SH3D19: variants seen among roughly 807,000 people sequenced by gnomAD.
SH3D19 encodes SH3 domain containing 19, also known as SH3 domain-containing protein 19.
Under a neutral mutation model 112.1 loss-of-function variants are expected in SH3D19, and 58 were observed. The ratio of observed to expected loss-of-function variants is 0.52; its 90% CI spans 0.42 to 0.64. SH3D19 has a LOEUF of 0.64. SH3D19 is among the 30% of genes least tolerant of loss of function. The pLI, the probability that SH3D19 is intolerant of heterozygous loss-of-function variation, is 0.00. For synonymous variants in SH3D19, 391 were observed against 448.5 expected, an observed-to-expected ratio of 0.87 and a Z score of 1.62; for missense variants, 1,090 against 1,263.4, an observed-to-expected ratio of 0.86 and a Z score of 2.08.
chr4:151,251,259 T>C (rs182619583), intron 1 of SH3D19, among the ~76,000 whole-genome samples: 95 of 150,392 alleles, frequency 6.3e-4, no homozygotes, highest in Middle Eastern at 3.5e-3. Flanking sequence ...AGTACAATGG[T>C]GTGATCTTGG....
At chr4:151,319,989 T>TCA (rs1730378221) in intron 1 of SH3D19, among the ~76,000 whole-genome samples, 1 of 152,202 alleles carries the variant, frequency 6.6e-6, no homozygotes, top group South Asian at 2.1e-4. Flanking sequence ...GGACTGTGGA[T>TCA]AAGTTGCTTA....
intron 7 of SH3D19, among the ~76,000 whole-genome samples, chr4:151,167,747 G>A (rs1451114906): frequency 6.6e-6 from 1 of 151,940 alleles, no homozygotes; most frequent in Non-Finnish European, 1.5e-5. Flanking sequence ...TCTGGGAAGT[G>A]AGGAGCGCCT....
chr4:151,213,164 T>C (rs1766249889), intron 2 of SH3D19, among the ~76,000 whole-genome samples: 3 of 152,208 alleles, frequency 2.0e-5, no homozygotes, highest in Admixed American at 2.0e-4. Flanking sequence ...GTAAACATTG[T>C]TGAAACGACA....
chr4:151,268,191 T>C (rs1232725324), intron 1 of SH3D19, among the ~76,000 whole-genome samples: 1 of 152,212 alleles, frequency 6.6e-6, no homozygotes, highest in African/African-American at 2.4e-5. Context: ...TACTGAACAC[T>C]GTAGGCAACT....
intron 1 of SH3D19, among the ~76,000 whole-genome samples, chr4:151,313,732 C>T (rs924045852): frequency 1.3e-5 from 2 of 152,176 alleles, no homozygotes; most frequent in African/African-American, 2.4e-5. Flanking sequence ...CTGAGAGTAA[C>T]CAATCTACCT....
chr4:151,215,165 T>C (rs987899624), intron 2 of SH3D19, among the ~76,000 whole-genome samples: 10 of 152,190 alleles, frequency 6.6e-5, no homozygotes, highest in Admixed American at 2.0e-4. Flanking sequence ...CAAGCAATCC[T>C]CCTGCCTTGG....
At chr4:151,176,341 G>T (rs1759960090) in intron 6 of SH3D19, among the ~76,000 whole-genome samples, 193 bp downstream of exon 6, 1 of 152,198 alleles carries the variant, frequency 6.6e-6, no homozygotes. Context: ...GATTGGGGCT[G>T]CAGTTTGTAA....
intron 3 of SH3D19, among the ~76,000 whole-genome samples, chr4:151,186,364 A>G (rs552032925): frequency 6.6e-6 from 1 of 152,378 alleles, no homozygotes; most frequent in East Asian, 1.9e-4. Context: ...AGGCACTTAT[A>G]CAGTTAAAAA....
intron 1 of SH3D19, among the ~76,000 whole-genome samples, chr4:151,243,202 T>C (rs916428363): frequency 2.6e-5 from 4 of 152,146 alleles, no homozygotes; most frequent in East Asian, 1.9e-4. Context: ...TTGGAGCAAA[T>C]AGAGCTGCAA....
rs1752703319 is a variant in SH3D19 at position 151,140,017 on chromosome 4, T to C, written c.2224-170A>G. ...GCCAAACAAGGGAATTATTATCAAGTTGAAGAAGAATGTGTCCTTGCTAAG... is the reference window on the plus strand; with the variant it reads ...GCCAAACAAGGGAATTATTATCAAGCTGAAGAAGAATGTGTCCTTGCTAAG... On this transcript the variant is annotated intron_variant, in intron 12 of 19. Transcript: ENST00000604030. 5.3e-6 allele frequency: 3 copies of C among 563,806 alleles called. No individual in the cohort carries two copies. The Admixed American group carries it at 9.7e-5, about 18-fold the overall frequency. 34.9% of individuals were successfully genotyped at this position (563,806 alleles called of 1,614,324 possible).
chr4:151,145,258 A>G (rs7668154), intron 11 of SH3D19, among the ~76,000 whole-genome samples: 127,914 of 152,212 alleles, frequency 0.84, 54,992 homozygotes, highest in Non-Finnish European at 0.95. Context: ...TTATACGACT[A>G]TGCTAAGAAC....
chr4:151,203,712 C>T (rs1490737495), intron 2 of SH3D19, among the ~76,000 whole-genome samples: 1 of 152,172 alleles, frequency 6.6e-6, no homozygotes, highest in Non-Finnish European at 1.5e-5. Flanking sequence ...AACACCAAGA[C>T]TTTGTACTTG....
chr4:151,285,942 C>A (rs140123162), intron 1 of SH3D19, among the ~76,000 whole-genome samples: 1 of 150,600 alleles, frequency 6.6e-6, no homozygotes, highest in Non-Finnish European at 1.5e-5. Context: ...TACCTGTAAT[C>A]GCAGCACTTT....
At chr4:151,138,571 T>C (rs1450001739) in intron 13 of SH3D19, among the ~76,000 whole-genome samples, 4 of 151,040 alleles carry the variant, frequency 2.6e-5, no homozygotes, top group Admixed American at 2.6e-4. Flanking sequence ...GTGGCACCCC[T>C]GTAGTCCTAG....
At chr4:151,241,476 T>C (rs1014947751) in intron 1 of SH3D19, among the ~76,000 whole-genome samples, 1 of 150,982 alleles carries the variant, frequency 6.6e-6, no homozygotes, top group African/African-American at 2.5e-5. Flanking sequence ...GGTTTCTTTA[T>C]GGATTATGAA....
At chr4:151,282,079 G>T in intron 1 of SH3D19, 1 of 1,530,114 alleles carries the variant, frequency 6.5e-7, no homozygotes, top group Non-Finnish European at 8.9e-7. Context: ...GAGACTTAGT[G>T]CTACATATAG....
chr4:151,214,820 A>C, intron 2 of SH3D19, among the ~76,000 whole-genome samples: 1 of 113,162 alleles, frequency 8.8e-6, no homozygotes, highest in Admixed American at 9.1e-5. Context: ...GCTGACCCCC[A>C]CCTCCCTCCT....
chr4:151,301,152 G>A (rs530890866), intron 1 of SH3D19, among the ~76,000 whole-genome samples: 1 of 152,350 alleles, frequency 6.6e-6, no homozygotes. Context: ...TGGATCATGG[G>A]AGTAGCTTCT....
chr4:151,255,950 C>G (rs1296564838), intron 1 of SH3D19, among the ~76,000 whole-genome samples: 1 of 145,824 alleles, frequency 6.9e-6, no homozygotes, highest in African/African-American at 2.5e-5. Flanking sequence ...TTGCAGTGAG[C>G]TGAGATGGCA....
Sources: gnomAD v4.1 joint callset for allele counts (sites outside exome capture counted in the v4.1 genomes callset) on GRCh38, gnomAD v4.1.1 for gene constraint, MANE v1.5 for transcripts, NCBI Gene and HGNC (gene_info 2026-07-23, HGNC 2026-07-21) for gene names.